CNR2: variants seen among roughly 807,000 people sequenced by gnomAD.
CNR2 encodes cannabinoid receptor 2 (macrophage).
For synonymous variants in CNR2, 172 were observed against 182.2 expected, an observed-to-expected ratio of 0.94 and a Z score of 0.45; for missense variants, 379 against 439.9, an observed-to-expected ratio of 0.86 and a Z score of 1.24.
At chr1:23,883,337 C>T (rs572798589) in intron 1 of CNR2, among the ~76,000 whole-genome samples, 11 of 152,262 alleles carry the variant, frequency 7.2e-5, no homozygotes, top group Admixed American at 1.3e-4. Context: ...ATTGCAGTCC[C>T]GGGAATACGT....
intron 1 of CNR2, chr1:23,902,574 G>T (rs1449409417): frequency 2.5e-6 from 4 of 1,607,176 alleles, no homozygotes; most frequent in Non-Finnish European, 3.4e-6. Context: ...TTTGACTTCC[G>T]CCAGGTCCCA....
chr1:23,902,687 G>A (rs1640421123), intron 1 of CNR2: 1 of 1,593,670 alleles, frequency 6.3e-7, no homozygotes, highest in Non-Finnish European at 8.5e-7. Context: ...AGTGCACGTC[G>A]GCCACGAGCT....
chr1:23,906,157 C>T (rs1449345104), intron 1 of CNR2, among the ~76,000 whole-genome samples: 1 of 152,044 alleles, frequency 6.6e-6, no homozygotes, highest in Non-Finnish European at 1.5e-5. Flanking sequence ...TTTTGGAGAA[C>T]TAGGCTTAAG....
chr1:23,882,989 A>G (rs1454623855), intron 1 of CNR2, among the ~76,000 whole-genome samples: 5 of 152,098 alleles, frequency 3.3e-5, no homozygotes, highest in Admixed American at 2.6e-4. Context: ...TAGGGAAGAG[A>G]AAGAACTGAC....
In CNR2 at chr1:23,874,695, G is replaced by A. The variant is rs776045128; in HGVS notation, c.923C>T (p.Ser308Phe). Reference sequence around the variant, plus strand: ...GTGAGCCAGGCAGTGATGGGCAGAGGAGCGGATCTCTCCACTCCGTAGAGC... The same window carrying A: ...GTGAGCCAGGCAGTGATGGGCAGAGAAGCGGATCTCTCCACTCCGTAGAGC... Reference protein sequence around the residue: ...IYALRSGEIRSSAHHCLAHWK... With the variant: ...IYALRSGEIRFSAHHCLAHWK... The change falls in exon 2 of 2, where the codon TCC (serine) becomes TTC (phenylalanine). Residue 308 changes from serine (S) to phenylalanine (F), a missense_variant. Transcript: ENST00000374472. 6.2e-7 allele frequency: 1 copy of A among 1,614,198 alleles called. No homozygotes were observed. Among genetic ancestry groups the A allele is most frequent in the Non-Finnish European group, 8.5e-7 (1 of 1,180,034 alleles).
chr1:23,894,621 G>A (rs1338684382), intron 1 of CNR2, among the ~76,000 whole-genome samples: 5 of 120,930 alleles, frequency 4.1e-5, no homozygotes, highest in East Asian at 4.7e-4. Context: ...GGCCAACACC[G>A]TGAAACCCCA....
chr1:23,880,744 A>G (rs1030533384), intron 1 of CNR2, among the ~76,000 whole-genome samples: 4 of 150,754 alleles, frequency 2.7e-5, no homozygotes, highest in Middle Eastern at 3.4e-3. Flanking sequence ...TTTAATATAT[A>G]TATTTTTAGT....
At chr1:23,882,651 C>CAAAAAAAAAAAAAAA (rs34245051) in intron 1 of CNR2, among the ~76,000 whole-genome samples, 1 of 112,652 alleles carries the variant, frequency 8.9e-6, no homozygotes. Flanking sequence ...ACTAAAAATA[C>CAAAAAAAAAAAAAAA]AAAAAAAAAA....
rs148205704 is a variant in CNR2, at chr1:23,878,785, C to A, written c.-45-3123G>T. Among the ~76,000 whole-genome samples the A allele has an allele frequency of 2.9e-3, 438 of 152,186 alleles. 6 individuals are homozygous for A. The highest frequency in any genetic ancestry group is 0.01 in the African/African-American group (426 of 41,526). On this transcript the variant is annotated intron_variant, in intron 1 of 1. Coordinates refer to ENST00000374472, the MANE Select transcript of CNR2 (RefSeq NM_001841.3). ...ATATAAGGCAGTAAGAATGAAAAGC[C>A]AAATTACCTGTAAGAGAACCATAAT... is the stretch of plus-strand genomic sequence containing the variant.
chr1:23,906,967 T>G (rs1014933981), intron 1 of CNR2: 1 of 151,904 alleles, frequency 6.6e-6, no homozygotes, highest in Non-Finnish European at 1.5e-5. Context: ...CAGGTGTAGA[T>G]CTCTTTTATA....
intron 1 of CNR2, among the ~76,000 whole-genome samples, chr1:23,885,127 C>G (rs1290448750): frequency 1.3e-5 from 2 of 152,092 alleles, no homozygotes; most frequent in African/African-American, 2.4e-5. Flanking sequence ...AGGCTGGGTA[C>G]AGTGGCTCAC....
chr1:23,901,883 T>C, intron 1 of CNR2: 1 of 1,608,430 alleles, frequency 6.2e-7, no homozygotes, highest in Non-Finnish European at 8.5e-7. Context: ...CTGGCATTGG[T>C]TGCTGCGGTA....
Position 23,872,576 on chromosome 1 carries a change from A to G in CNR2, c.*1959T>C, listed in dbSNP as rs1291067710. ...TTAAGAGGGCAGGCTTTGAAGTCAAACAGAACTAGGTTGGAGACCTCAGCT... is the reference window on the plus strand; with the variant it reads ...TTAAGAGGGCAGGCTTTGAAGTCAAGCAGAACTAGGTTGGAGACCTCAGCT... On this transcript the variant is annotated 3_prime_UTR_variant, in exon 2 of 2. Coordinates refer to ENST00000374472, the MANE Select transcript of CNR2 (RefSeq NM_001841.3). The G allele has an allele frequency of 6.6e-6, 1 of 152,140 alleles. No individual in the cohort carries two copies. The highest frequency in any genetic ancestry group is 1.5e-5 in the Non-Finnish European group (1 of 68,036). 9.4% of individuals were successfully genotyped at this position (152,140 alleles called of 1,614,324 possible).
chr1:23,890,978 A>C (rs1416794569), intron 1 of CNR2, among the ~76,000 whole-genome samples: 1 of 150,752 alleles, frequency 6.6e-6, no homozygotes. Context: ...TCCCAGGTTC[A>C]AGCAATTCTT....
At chr1:23,885,359 G>T (rs540703517) in intron 1 of CNR2, among the ~76,000 whole-genome samples, 2 of 152,090 alleles carry the variant, frequency 1.3e-5, no homozygotes, top group Non-Finnish European at 2.9e-5. Flanking sequence ...GAGTGTGAGG[G>T]AGATGGGAAC....
Position 23,905,470 on chromosome 1 carries a change from G to A in CNR2, c.-46+7776C>T, listed in dbSNP as rs540306450. The stretch of plus-strand genomic sequence containing the variant: ...TCTGGGATTACAGGCATGAGCCACC[G>A]CGCCCAGCCATCTTTGCACTTTATA... On this transcript the variant is annotated intron_variant, in intron 1 of 1. Coordinates refer to ENST00000374472, the MANE Select transcript of CNR2 (RefSeq NM_001841.3). Among the ~76,000 whole-genome samples the A allele has an allele frequency of 5.3e-5, 8 of 150,804 alleles. No homozygotes were observed. The East Asian group carries it at 5.8e-4, about 11-fold the overall frequency.
intron 1 of CNR2, among the ~76,000 whole-genome samples, chr1:23,882,149 T>G (rs1023165556): frequency 1.3e-5 from 2 of 151,962 alleles, no homozygotes; most frequent in African/African-American, 4.8e-5. Flanking sequence ...TCTCGAACTC[T>G]TGACCTCAGG....
chr1:23,871,332 G>A lies in CNR2; in HGVS notation c.*3203C>T, dbSNP rs1042557718. 1.5e-4 allele frequency: 23 copies of A among 152,132 alleles called. No homozygotes were observed. Among genetic ancestry groups the A allele is most frequent in the Non-Finnish European group, 2.9e-4 (20 of 68,028 alleles). The allele number at this position is 152,132 out of a possible 1,614,324, so 9.4% of individuals were successfully genotyped here. A position where few individuals can be genotyped will look rare whatever the true frequency, so the allele number is the denominator to read the frequency against. Reference sequence around the variant, plus strand: ...ACTTGGGCATTTTCTTTGCCAAAATGAGAAAGGATTCCACCGATGAATAAA... The same window carrying A: ...ACTTGGGCATTTTCTTTGCCAAAATAAGAAAGGATTCCACCGATGAATAAA... On this transcript the variant is annotated 3_prime_UTR_variant, in exon 2 of 2. Coordinates refer to ENST00000374472, the MANE Select transcript of CNR2 (RefSeq NM_001841.3).
At chr1:23,876,834 C>CAAAA in intron 1 of CNR2, among the ~76,000 whole-genome samples, 1 of 120,260 alleles carries the variant, frequency 8.3e-6, no homozygotes, top group Non-Finnish European at 1.7e-5. Context: ...GACTCTGTCT[C>CAAAA]AAAAAAAAAA....
Sources: allele counts gnomAD v4.1 joint callset (sites outside exome capture counted in the v4.1 genomes callset), GRCh38; gene constraint gnomAD v4.1.1; transcripts MANE v1.5; gene names NCBI Gene and HGNC (gene_info 2026-07-23, HGNC 2026-07-21).